Variants in HHAT observed in about 807,000 individuals in gnomAD.
The protein encoded by HHAT is hedgehog acyltransferase, also known as protein-cysteine N-palmitoyltransferase HHAT.
Under a neutral mutation model 70.8 loss-of-function variants are expected in HHAT, and 47 were observed. The observed-to-expected ratio is 0.66, with a 90% CI of 0.53 to 0.85. HHAT has a LOEUF of 0.85. Ranked by LOEUF, HHAT falls within the 40% of genes least tolerant of loss-of-function variation. The probability of loss-of-function intolerance (pLI) is 0.00; values close to 1 mark genes in which losing one functional copy is unlikely to be tolerated. For missense variants in HHAT, 609 were observed against 604.8 expected (o/e 1.01, Z -0.07); for synonymous variants, 228 against 247.6 (o/e 0.92, Z 0.74).
intron 10 of HHAT, among the ~76,000 whole-genome samples, chr1:210,597,033 T>G (rs1458180420): frequency 1.3e-5 from 2 of 152,202 alleles, no homozygotes; most frequent in Non-Finnish European, 2.9e-5. Flanking sequence ...CTAACTGTAT[T>G]TGCATTACGG....
intron 7 of HHAT, among the ~76,000 whole-genome samples, chr1:210,433,037 G>T (rs2093289787): frequency 6.6e-6 from 1 of 151,672 alleles, no homozygotes; most frequent in African/African-American, 2.4e-5. Flanking sequence ...TTAAGTGTGA[G>T]ACAGCAGCAC....
At chr1:210,540,444 TACAC>T (rs5780588) in intron 9 of HHAT, among the ~76,000 whole-genome samples, 82,361 of 148,016 alleles carry the variant, frequency 0.56, 23,394 homozygotes, top group South Asian at 0.63. Flanking sequence ...TTTTCCCTCT[TACAC>T]ACACACACAC....
At chr1:210,582,477 T>A (rs1659486125) in intron 9 of HHAT, among the ~76,000 whole-genome samples, 1 of 152,100 alleles carries the variant, frequency 6.6e-6, no homozygotes, top group African/African-American at 2.4e-5. Flanking sequence ...TAGTCTGTCA[T>A]AGAGTTAGGT....
At chr1:210,494,229 G>C (rs553135291) in intron 8 of HHAT, among the ~76,000 whole-genome samples, 1 of 152,320 alleles carries the variant, frequency 6.6e-6, no homozygotes, top group East Asian at 1.9e-4. Flanking sequence ...ATTAAGTAGA[G>C]GAGTGATGTG....
chr1:210,469,959 A>G (rs2094172919), intron 8 of HHAT, among the ~76,000 whole-genome samples: 1 of 152,158 alleles, frequency 6.6e-6, no homozygotes, highest in South Asian at 2.1e-4. Flanking sequence ...TTCCGCATGC[A>G]TTAGGTATTT....
At chr1:210,480,933 G>C (rs1434127838) in intron 8 of HHAT, among the ~76,000 whole-genome samples, 1 of 152,204 alleles carries the variant, frequency 6.6e-6, no homozygotes, top group East Asian at 1.9e-4. Context: ...AATATTTGTT[G>C]AGTGCCTGTT....
intron 11 of HHAT, among the ~76,000 whole-genome samples, chr1:210,660,287 G>T (rs149016903): frequency 6.6e-6 from 1 of 152,134 alleles, no homozygotes; most frequent in Non-Finnish European, 1.5e-5. Context: ...AACAGAGAGC[G>T]AAATCATGAG....
intron 11 of HHAT, among the ~76,000 whole-genome samples, chr1:210,657,289 C>T (rs1213948099): frequency 6.6e-6 from 1 of 152,194 alleles, no homozygotes; most frequent in Non-Finnish European, 1.5e-5. Context: ...TGAAGAGCAG[C>T]AGCTGCTGCT....
At chr1:210,572,177 G>A (rs561625658) in intron 9 of HHAT, among the ~76,000 whole-genome samples, 10 of 152,278 alleles carry the variant, frequency 6.6e-5, no homozygotes, top group South Asian at 2.1e-4. Flanking sequence ...AAAAGGTGCC[G>A]TCTCTGATAG....
At chr1:210,363,238 G>T (rs916911401) in intron 3 of HHAT, among the ~76,000 whole-genome samples, 1 of 152,120 alleles carries the variant, frequency 6.6e-6, no homozygotes, top group Admixed American at 6.5e-5. Context: ...GCCCCTGGAC[G>T]CTCCTATACC....
intron 6 of HHAT, among the ~76,000 whole-genome samples, chr1:210,411,571 C>T (rs878935850): frequency 2.0e-5 from 3 of 150,816 alleles, no homozygotes; most frequent in East Asian, 3.9e-4. Flanking sequence ...CTGGGCAACA[C>T]GGTGAAACTC....
chr1:210,389,759 T>C (rs1028573009), intron 4 of HHAT, among the ~76,000 whole-genome samples: 6 of 152,328 alleles, frequency 3.9e-5, no homozygotes, highest in African/African-American at 1.4e-4. Context: ...CTCAGGTAGT[T>C]CTTTATAGCA....
intron 9 of HHAT, among the ~76,000 whole-genome samples, chr1:210,519,821 C>G (rs528565452): frequency 7.5e-6 from 1 of 133,730 alleles, no homozygotes; most frequent in African/African-American, 2.8e-5. Context: ...AGCCACCACA[C>G]TTGGCTTTTT....
chr1:210,421,006 T>A (rs1310039158), intron 7 of HHAT, among the ~76,000 whole-genome samples: 1 of 152,188 alleles, frequency 6.6e-6, no homozygotes, highest in African/African-American at 2.4e-5. Flanking sequence ...CAATTTATGC[T>A]CTTCTCGGCA....
At chr1:210,436,587 T>A (rs2093381479) in intron 7 of HHAT, among the ~76,000 whole-genome samples, 1 of 151,698 alleles carries the variant, frequency 6.6e-6, no homozygotes, top group Non-Finnish European at 1.5e-5. Context: ...CTGTGTTCTT[T>A]TTGTCTTCGG....
At chr1:210,621,150 C>T (rs1023728252) in intron 10 of HHAT, among the ~76,000 whole-genome samples, 2 of 152,160 alleles carry the variant, frequency 1.3e-5, no homozygotes, top group African/African-American at 4.8e-5. Context: ...CAAAGAGAGT[C>T]TTCCTCTCTC....
chr1:210,437,200 A>G (rs948684482), intron 7 of HHAT, among the ~76,000 whole-genome samples: 1 of 151,894 alleles, frequency 6.6e-6, no homozygotes, highest in African/African-American at 2.4e-5. Flanking sequence ...TTGATAGACT[A>G]TTCTGTAAGG....
At chr1:210,663,037 C>T (rs1678096486) in intron 11 of HHAT, among the ~76,000 whole-genome samples, 1 of 152,122 alleles carries the variant, frequency 6.6e-6, no homozygotes, top group South Asian at 2.1e-4. Context: ...CTTGCAGGCT[C>T]AGCCCTTAGC....
At chr1:210,611,706 T>C (rs1358800229) in intron 10 of HHAT, among the ~76,000 whole-genome samples, 1 of 152,228 alleles carries the variant, frequency 6.6e-6, no homozygotes, top group African/African-American at 2.4e-5. Context: ...TGAGAGTTTT[T>C]AACAAGGAGG....
Sources: gnomAD v4.1 joint callset for allele counts (sites outside exome capture counted in the v4.1 genomes callset) on GRCh38, gnomAD v4.1.1 for gene constraint, MANE v1.5 for transcripts, NCBI Gene and HGNC (gene_info 2026-07-23, HGNC 2026-07-21) for gene names.